Variants in LRP1 observed in about 807,000 individuals in gnomAD.
LRP1 encodes LDL receptor related protein 1, also known as prolow-density lipoprotein receptor-related protein 1.
A neutral mutation model predicts 541.5 loss-of-function variants in LRP1; 51 were observed. That is an observed-to-expected ratio of 0.09 (90% CI 0.08 to 0.12). The LOEUF (loss-of-function observed/expected upper bound fraction) is 0.12, where lower values mean the gene tolerates loss of function less well. Among genes scored for constraint, LRP1 ranks in the 10% least tolerant of loss-of-function variants. LRP1 has a pLI of 1.00. For synonymous variants in LRP1, 2,219 were observed against 2,470.8 expected (o/e 0.90, Z 3.02); for missense variants, 3,878 against 6,376.2 (o/e 0.61, Z 13.34).
Position 57,141,499 on chromosome 12 carries a change from C to A in LRP1, c.316C>A (p.Pro106Thr). ...CTGCATGGACGGCTCAGATGAGGGG[C>A]CCCACTGCCGAGGTAAGGACTTTTC... is the stretch of plus-strand genomic sequence containing the variant. ...QDCMDGSDEGPHCRELQGNCS... is the reference protein window; with the variant it reads ...QDCMDGSDEGTHCRELQGNCS... The change falls in exon 3 of 89, where the codon CCC becomes ACC. Residue 106 changes from proline (P) to threonine (T), a missense_variant. Coordinates refer to ENST00000243077, the MANE Select transcript of LRP1 (RefSeq NM_002332.3). 6.2e-7 allele frequency: 1 copy of A among 1,614,194 alleles called. No homozygotes were observed. The highest frequency in any genetic ancestry group is 8.5e-7 in the Non-Finnish European group (1 of 1,180,024).
At position 57,183,760 on chromosome 12, in the gene LRP1, C is replaced by T. The variant is rs1330145187; in HGVS notation, c.5795-15C>T. The T allele has an allele frequency of 1.9e-6, 3 of 1,613,616 alleles. No homozygotes were observed. The highest frequency in any genetic ancestry group is 2.5e-6 in the Non-Finnish European group (3 of 1,180,012). On this transcript the variant is annotated splice_polypyrimidine_tract_variant and intron_variant, in intron 35 of 88. Transcript: ENST00000243077. This position sits in a 1 kb window ranked among gnomAD's most constrained non-coding sequence, Gnocchi z 6.1. ...GCCTTATTGGGCATCCCCATGTCAC[C>T]TCCTCCACCTCCAGAAAATGACACC...
intron 6 of LRP1, among the ~76,000 whole-genome samples, chr12:57,147,824 G>A (rs138975352): frequency 7.9e-5 from 12 of 152,290 alleles, no homozygotes; most frequent in African/African-American, 2.2e-4. Context: ...GAGAGCCCCC[G>A]AGGGCCCCCC....
At chr12:57,186,125 A>T (rs1029196257) in intron 41 of LRP1, among the ~76,000 whole-genome samples, 1 of 152,082 alleles carries the variant, frequency 6.6e-6, no homozygotes, top group African/African-American at 2.4e-5. Context: ...CTGCCTTCAG[A>T]GCTGCACAGA....
At chr12:57,175,204 G>T (rs942884235) in intron 22 of LRP1, among the ~76,000 whole-genome samples, 15 of 152,142 alleles carry the variant, frequency 9.9e-5, no homozygotes, top group African/African-American at 3.6e-4. Context: ...AGATATTGAG[G>T]GGTGCTCCCT....
chr12:57,210,066 C>G lies in LRP1; in HGVS notation c.12477C>G (p.Leu4159=), dbSNP rs201583024. ...NPCDRKKCEW[L]CLLSPSGPVC... ...GTGACCGCAAGAAATGCGAGTGGCTCTGCCTGCTGAGCCCCAGTGGGCCTG... is the reference window on the plus strand; with the variant it reads ...GTGACCGCAAGAAATGCGAGTGGCTGTGCCTGCTGAGCCCCAGTGGGCCTG... Residue 4159 remains leucine (L), a synonymous_variant, in exon 81 of 89, where the codon CTC becomes CTG. Transcript: ENST00000243077. 6.2e-7 allele frequency: 1 copy of G among 1,613,252 alleles called. No individual in the cohort carries two copies. Among genetic ancestry groups the G allele is most frequent in the East Asian group, 2.2e-5 (1 of 44,872 alleles).
chr12:57,133,341 A>G (rs892789295), intron 1 of LRP1, among the ~76,000 whole-genome samples: 3 of 151,884 alleles, frequency 2.0e-5, no homozygotes, highest in African/African-American at 7.3e-5. Flanking sequence ...GGGTCAGGCT[A>G]ATGTCCTGCT....
In LRP1 at chr12:57,159,991, G is replaced by A; in HGVS notation, c.1965G>A (p.Val655=). ...GKMTHPRAIV[V]DPLNGWMYWT... is the part of the protein sequence containing the mutation. ...TGACACACCCCAGGGCTATTGTGGT[G>A]GATCCACTCAATGGGTGAGTCCTCC... Residue 655 remains valine, a synonymous_variant, in exon 12 of 89, where the codon GTG becomes GTA. Coordinates refer to ENST00000243077, the MANE Select transcript of LRP1 (RefSeq NM_002332.3). 5 of 1,614,078 alleles carry A rather than the reference G, an allele frequency of 3.1e-6. No homozygotes were observed. Among genetic ancestry groups the A allele is most frequent in the Non-Finnish European group, 4.2e-6 (5 of 1,180,002 alleles).
chr12:57,201,620 G>A lies in LRP1; in HGVS notation c.10468+1G>A. The A allele has an allele frequency of 6.2e-7, 1 of 1,611,868 alleles. No individual in the cohort carries two copies. The highest frequency in any genetic ancestry group is 8.5e-7 in the Non-Finnish European group (1 of 1,178,342). On this transcript the variant is annotated splice_donor_variant, in intron 66 of 88. Coordinates refer to ENST00000243077, the MANE Select transcript of LRP1 (RefSeq NM_002332.3). LOFTEE classifies it high-confidence loss of function. This position sits in a 1 kb window ranked among gnomAD's most constrained non-coding sequence, Gnocchi z 6.4. ...GGCAGTGATGAGCCCGCCAACTGCA[G>A]TGAGTTGCCTGGCCTGGAGCCCAGC...
chr12:57,171,499 T>G (rs1402858582), intron 20 of LRP1, among the ~76,000 whole-genome samples: 1 of 152,078 alleles, frequency 6.6e-6, no homozygotes, highest in African/African-American at 2.4e-5. Context: ...CAGTGGGGAA[T>G]GAGGCTGTCC....
chr12:57,143,655 T>A, intron 3 of LRP1, 24 bp from the exon 4 acceptor site: 1 of 1,604,554 alleles, frequency 6.2e-7, no homozygotes, highest in Non-Finnish European at 8.5e-7. Flanking sequence ...GGCCTGAATA[T>A]GTGTCTCTCC....
Position 57,193,255 on chromosome 12 carries a change from C to T in LRP1, c.7635C>T (p.Asp2545=), listed in dbSNP as rs368393904. The part of the protein sequence containing the change: ...GECINFSLTC[D]GVPHCKDKSD... The stretch of plus-strand genomic sequence containing the variant: ...GCATCAACTTCAGCCTGACCTGCGA[C>T]GGCGTCCCCCACTGCAAGGACAAGT... The change falls in exon 46 of 89, where the codon GAC becomes GAT. Residue 2545 remains aspartate (D), a synonymous_variant. Coordinates refer to ENST00000243077, the MANE Select transcript of LRP1 (RefSeq NM_002332.3). The T allele has an allele frequency of 3.2e-5, 51 of 1,613,960 alleles. 1 individual carries two copies. In the African/African-American group the frequency reaches 4.7e-4, roughly 15 times the overall value.
intron 17 of LRP1, chr12:57,166,517 T>C: frequency 2.5e-6 from 1 of 408,098 alleles, no homozygotes; most frequent in Admixed American, 4.1e-5. Context: ...GCCATGGTCA[T>C]GCCACTGCTC....
rs2036912536 is a variant in LRP1, at chr12:57,211,403, T to TAGCCCTGCCCTGCCCC, written c.13091+54_13092-68dup. Reference sequence around the variant, plus strand: ...ACCCAGCTGGGCCCCTGCCCTGTCCTAGCCCTGCCCTGCCCCTCCCTTCCT... The same window carrying TAGCCCTGCCCTGCCCC: ...ACCCAGCTGGGCCCCTGCCCTGTCCTAGCCCTGCCCTGCCCCAGCCCTGCCCTGCCCCTCCCTTCCT... On this transcript the variant is annotated intron_variant, in intron 84 of 88. Transcript: ENST00000243077. This position sits in a 1 kb window ranked among gnomAD's most constrained non-coding sequence, Gnocchi z 4.3. 1 of 1,609,806 alleles carries TAGCCCTGCCCTGCCCC rather than the reference T, an allele frequency of 6.2e-7. No homozygotes were observed. The highest frequency in any genetic ancestry group is 2.2e-5 in the East Asian group (1 of 44,848).
At chr12:57,136,619 G>T (rs1000994987) in intron 1 of LRP1, among the ~76,000 whole-genome samples, 2 of 152,226 alleles carry the variant, frequency 1.3e-5, no homozygotes, top group African/African-American at 4.8e-5. Context: ...AGCCACGAAA[G>T]GCCAGGAGAC....
In LRP1 at chr12:57,195,802, G is replaced by A. The variant is rs780064409; in HGVS notation, c.8560+22G>A. 3.9e-5 allele frequency: 63 copies of A among 1,613,986 alleles called. No homozygotes were observed. In the South Asian group the frequency reaches 6.6e-4, roughly 17 times the overall value. ...TGTGGTGAGCCTTCGGCGGTGGTGGGAGGAGGCCCTGCCCTCTGCCGGGCC... is the reference window on the plus strand; with the variant it reads ...TGTGGTGAGCCTTCGGCGGTGGTGGAAGGAGGCCCTGCCCTCTGCCGGGCC... On this transcript the variant is annotated intron_variant, in intron 53 of 88. Transcript: ENST00000243077.
In LRP1 at chr12:57,199,219, C is replaced by T. The variant is rs2036597607; in HGVS notation, c.9684C>T (p.Ser3228=). The change falls in exon 61 of 89, where the codon AGC becomes AGT. Residue 3228 remains serine, a synonymous_variant. Transcript: ENST00000243077. ...TGCCCCTTGGCCCTGCAGTGCTGAG[C>T]CAGGACATCCCGCACATCTTTGCAC... ...LDGSNRHVVL[S]QDIPHIFALT... is the part of the protein sequence containing the mutation. 1 of 1,613,180 alleles carries T rather than the reference C, an allele frequency of 6.2e-7. No homozygotes were observed. The highest frequency in any genetic ancestry group is 1.3e-5 in the African/African-American group (1 of 74,930).
chr12:57,208,213 G>T lies in LRP1; in HGVS notation c.12035G>T (p.Arg4012Met). 1 of 1,613,240 alleles carries T rather than the reference G, an allele frequency of 6.2e-7. No homozygotes were observed. Among genetic ancestry groups the T allele is most frequent in the South Asian group, 1.1e-5 (1 of 90,994 alleles). Residue 4012 changes from arginine to methionine, a missense_variant, in exon 77 of 89, where the codon AGG becomes ATG. Transcript: ENST00000243077. ...CACGCCATTGTGGTGGACCCACTGA[G>T]GGGGTGGGCAAGGGCCCTGGGGGGA... ...EPHAIVVDPLRGTMYWSDWGN... is the reference protein window; with the variant it reads ...EPHAIVVDPLMGTMYWSDWGN...
chr12:57,141,644 G>A, intron 3 of LRP1, 133 bp downstream of exon 3: 1 of 1,207,234 alleles, frequency 8.3e-7, no homozygotes, highest in Non-Finnish European at 1.2e-6. Flanking sequence ...TACCTTCAGA[G>A]AGCAGATGAA....
intron 1 of LRP1, among the ~76,000 whole-genome samples, chr12:57,136,475 C>T (rs1278914793): frequency 1.4e-5 from 2 of 145,012 alleles, no homozygotes; most frequent in East Asian, 4.2e-4. Context: ...TCTTCTCAGG[C>T]GACTCTGGCT....
Sources: gnomAD v4.1 joint callset for allele counts (sites outside exome capture counted in the v4.1 genomes callset) on GRCh38, gnomAD v4.1.1 for gene constraint, Gnocchi (gnomAD v3.1) non-coding constraint, MANE v1.5 for transcripts, NCBI Gene and HGNC (gene_info 2026-07-23, HGNC 2026-07-21) for gene names.